Variants in NTM observed in about 807,000 individuals in gnomAD.
The protein encoded by NTM is neurotrimin, also known as IgLON family member 2.
In NTM, 13 loss-of-function variants were observed where a neutral mutation model predicts 42.1. The ratio of observed to expected loss-of-function variants is 0.31; its 90% CI spans 0.20 to 0.49. NTM has a LOEUF of 0.49. NTM is among the 20% of genes least tolerant of loss of function. The pLI is 0.99. For missense variants in NTM, 373 were observed against 452.8 expected, an observed-to-expected ratio of 0.82 and a Z score of 1.60; for synonymous variants, 187 against 179.2, an observed-to-expected ratio of 1.04 and a Z score of -0.35.
intron 4 of NTM, among the ~76,000 whole-genome samples, chr11:132,218,115 C>T (rs965565755): frequency 6.6e-6 from 1 of 152,078 alleles, no homozygotes; most frequent in Non-Finnish European, 1.5e-5. Context: ...CCTGTCAGCA[C>T]CAGCATCCGG....
chr11:131,991,898 G>A (rs1221568620), intron 2 of NTM, among the ~76,000 whole-genome samples: 1 of 152,124 alleles, frequency 6.6e-6, no homozygotes. Context: ...GATGATAGTG[G>A]ACAGGTAAAG....
intron 1 of NTM, among the ~76,000 whole-genome samples, chr11:131,482,992 T>G (rs1238534188): frequency 2.0e-5 from 3 of 152,206 alleles, no homozygotes; most frequent in Non-Finnish European, 4.4e-5. Flanking sequence ...AGCTGATGGT[T>G]ATCAAGCAGA....
chr11:132,077,325 G>A (rs2058494653), intron 2 of NTM, among the ~76,000 whole-genome samples: 1 of 152,186 alleles, frequency 6.6e-6, no homozygotes, highest in East Asian at 1.9e-4. Context: ...TTAAAATGAT[G>A]ACTGAAATGT....
At position 131,487,501 on chromosome 11, in the gene NTM, G is replaced by C. The variant is rs375906713; in HGVS notation, c.82+116613G>C. 8.5e-5 allele frequency among the ~76,000 whole-genome samples: 13 copies of C among 152,294 alleles called. No individual in the cohort carries two copies. The East Asian group carries it at 2.3e-3, about 27-fold the overall frequency. Reference sequence around the variant, plus strand: ...TGAAATCCAGTAGCCATGACTTCCTGTTCTGTTATCATTCTTTCTTTCTAT... The same window carrying C: ...TGAAATCCAGTAGCCATGACTTCCTCTTCTGTTATCATTCTTTCTTTCTAT... On this transcript the variant is annotated intron_variant, in intron 1 of 8. Coordinates refer to ENST00000683400, the MANE Select transcript of NTM (RefSeq NM_001352005.2).
intron 2 of NTM, among the ~76,000 whole-genome samples, chr11:132,110,708 T>C (rs2136733176): frequency 6.6e-6 from 1 of 152,174 alleles, no homozygotes; most frequent in Non-Finnish European, 1.5e-5. Context: ...TCTATTCACA[T>C]AGCATATGAA....
At chr11:132,064,776 C>T (rs972426882) in intron 2 of NTM, among the ~76,000 whole-genome samples, 4 of 152,154 alleles carry the variant, frequency 2.6e-5, no homozygotes, top group African/African-American at 9.7e-5. Context: ...CTTCACTTTC[C>T]ATAGGGGAGG....
intron 1 of NTM, among the ~76,000 whole-genome samples, chr11:131,667,284 G>A (rs1247040596): frequency 3.3e-5 from 5 of 152,154 alleles, no homozygotes; most frequent in Admixed American, 3.3e-4. Flanking sequence ...CCAGCCACCT[G>A]GGCTTTGCCG....
chr11:131,640,082 G>A (rs1388964228), intron 1 of NTM, among the ~76,000 whole-genome samples: 1 of 152,222 alleles, frequency 6.6e-6, no homozygotes, highest in Non-Finnish European at 1.5e-5. Context: ...GGAGGAGGAT[G>A]GTGGCAGAGA....
chr11:132,272,329 C>T (rs1225753442), intron 4 of NTM, among the ~76,000 whole-genome samples: 3 of 151,956 alleles, frequency 2.0e-5, no homozygotes, highest in Admixed American at 2.0e-4. Flanking sequence ...TAAATTTGTT[C>T]TTTGTTTTCA....
At chr11:132,110,350 G>A (rs528790540) in intron 2 of NTM, among the ~76,000 whole-genome samples, 3 of 152,312 alleles carry the variant, frequency 2.0e-5, no homozygotes, top group South Asian at 2.1e-4. Context: ...GAAATAATAT[G>A]GTCTTCAAAG....
intron 1 of NTM, chr11:131,534,637 C>T (rs559444423): frequency 1.4e-4 from 21 of 152,306 alleles, no homozygotes; most frequent in African/African-American, 5.1e-4. Context: ...AGATAACAAA[C>T]CTTATTCTGA....
chr11:131,860,378 T>C (rs1395336808), intron 1 of NTM, among the ~76,000 whole-genome samples: 1 of 152,168 alleles, frequency 6.6e-6, no homozygotes, highest in Non-Finnish European at 1.5e-5. Context: ...GACTTTCTTA[T>C]GCTCTTTCCG....
intron 1 of NTM, among the ~76,000 whole-genome samples, chr11:131,712,150 TA>T (rs961666350): frequency 4.6e-5 from 5 of 107,714 alleles, no homozygotes; most frequent in African/African-American, 1.4e-4. Flanking sequence ...AAATAAAAAA[TA>T]AAAAAATAAA....
intron 1 of NTM, among the ~76,000 whole-genome samples, chr11:131,837,505 G>T (rs2043656332): frequency 6.6e-6 from 1 of 151,984 alleles, no homozygotes; most frequent in Non-Finnish European, 1.5e-5. Context: ...CATCTAATTG[G>T]GTCCTCATTG....
At chr11:131,538,921 CTTTTTTTT>C (rs58463755) in intron 1 of NTM, among the ~76,000 whole-genome samples, 1 of 102,390 alleles carries the variant, frequency 9.8e-6, no homozygotes, top group Non-Finnish European at 1.9e-5. Flanking sequence ...GTTAACTTAG[CTTTTTTTT>C]TTTTTTTTTT....
chr11:131,656,959 T>C (rs761973121), intron 1 of NTM, among the ~76,000 whole-genome samples: 1 of 152,024 alleles, frequency 6.6e-6, no homozygotes, highest in Non-Finnish European at 1.5e-5. Flanking sequence ...GGTCTGGCGC[T>C]GTTGCTCAGC....
intron 1 of NTM, among the ~76,000 whole-genome samples, chr11:131,816,974 G>A (rs1009561749): frequency 2.0e-5 from 3 of 152,126 alleles, no homozygotes; most frequent in Admixed American, 2.0e-4. Context: ...AATCTTCCCT[G>A]AAATTTTTAA....
chr11:132,070,179 C>T (rs1174438555), intron 2 of NTM, among the ~76,000 whole-genome samples: 2 of 146,100 alleles, frequency 1.4e-5, no homozygotes, highest in African/African-American at 5.2e-5. Context: ...GGTTAGTTAA[C>T]ACGTCACACA....
chr11:132,192,399 G>A (rs1233400712), intron 3 of NTM, among the ~76,000 whole-genome samples: 2 of 152,148 alleles, frequency 1.3e-5, no homozygotes, highest in African/African-American at 4.8e-5. Flanking sequence ...CCAGAATTTT[G>A]TAACTTGTGA....
Sources: gnomAD v4.1 joint callset for allele counts (sites outside exome capture counted in the v4.1 genomes callset) on GRCh38, gnomAD v4.1.1 for gene constraint, MANE v1.5 for transcripts, NCBI Gene and HGNC (gene_info 2026-07-23, HGNC 2026-07-21) for gene names.